Variants in AGO3 observed in about 807,000 individuals in gnomAD.
AGO3 encodes protein argonaute-3.
A neutral mutation model predicts 105.5 loss-of-function variants in AGO3; 16 were observed. The observed-to-expected ratio is 0.15, with a 90% CI of 0.10 to 0.23. AGO3 has a LOEUF of 0.23. Ranked by LOEUF, AGO3 falls within the 10% of genes least tolerant of loss-of-function variation. The pLI is 1.00. For missense variants in AGO3, 534 were observed against 1,088.0 expected, an observed-to-expected ratio of 0.49 and a Z score of 7.16; for synonymous variants, 340 against 367.3, an observed-to-expected ratio of 0.93 and a Z score of 0.85.
Position 36,036,258 on chromosome 1 carries a change from T to A in AGO3, c.1833T>A (p.Ser611=). ...CTGCTGGTGATGGAAAGAAGCCTTC[T>A]ATTGCTGCTGTGAGTGTTAGCCAGG... ...HPPAGDGKKP[S]IAAVVGSMDA... is the part of the protein sequence containing the mutation. Residue 611 remains serine (S), a synonymous_variant, in exon 14 of 19, where the codon TCT becomes TCA. Transcript: ENST00000373191. The A allele has an allele frequency of 6.2e-7, 1 of 1,614,078 alleles. No homozygotes were observed. The highest frequency in any genetic ancestry group is 8.5e-7 in the Non-Finnish European group (1 of 1,179,898).
At chr1:36,023,733 C>T (rs531476934) in intron 11 of AGO3, among the ~76,000 whole-genome samples, 4 of 152,140 alleles carry the variant, frequency 2.6e-5, no homozygotes, top group South Asian at 2.1e-4. Context: ...AAAAATGTAA[C>T]GAGACAGCTT....
intron 2 of AGO3, among the ~76,000 whole-genome samples, chr1:35,961,470 T>C (rs1325847990): frequency 6.6e-6 from 1 of 152,186 alleles, no homozygotes; most frequent in Non-Finnish European, 1.5e-5. Context: ...AAATGTCTAA[T>C]GTTCCAACTA....
intron 14 of AGO3, among the ~76,000 whole-genome samples, chr1:36,039,172 C>T (rs538514828): frequency 1.2e-4 from 18 of 152,126 alleles, no homozygotes; most frequent in African/African-American, 3.9e-4. Flanking sequence ...TGTTCTTCAA[C>T]GGGAAGTACT....
rs79253137 is a variant in AGO3, at chr1:36,015,690, A to G, written c.1406+1642A>G. The stretch of plus-strand genomic sequence containing the variant: ...CAACAAATGCATATTTCACAATATC[A>G]CAACTACTTTTTGTGGGATAGTAGC... On this transcript the variant is annotated intron_variant, in intron 11 of 18. Coordinates refer to ENST00000373191, the MANE Select transcript of AGO3 (RefSeq NM_024852.4). 2.0e-5 allele frequency among the ~76,000 whole-genome samples: 3 copies of G among 152,260 alleles called. No homozygotes were observed. The East Asian group carries it at 5.8e-4, about 29-fold the overall frequency.
chr1:36,006,204 A>G (rs1557680047), intron 6 of AGO3, among the ~76,000 whole-genome samples: 1 of 151,156 alleles, frequency 6.6e-6, no homozygotes, highest in Non-Finnish European at 1.5e-5. Flanking sequence ...TCCTGTATCT[A>G]TGGGTTTTTT....
intron 5 of AGO3, among the ~76,000 whole-genome samples, chr1:35,999,952 A>G (rs956512534): frequency 1.3e-5 from 2 of 151,912 alleles, no homozygotes; most frequent in African/African-American, 2.4e-5. Flanking sequence ...TTGTAATACC[A>G]TAGAGTTTTG....
At chr1:36,041,951 A>G (rs1353970571) in intron 16 of AGO3, among the ~76,000 whole-genome samples, 2 of 152,182 alleles carry the variant, frequency 1.3e-5, no homozygotes, top group African/African-American at 2.4e-5. Context: ...TTAATAAATA[A>G]AGTTTGGCTA....
chr1:36,009,334 A>T, intron 8 of AGO3, 141 bp from the exon 9 acceptor site: 1 of 1,006,848 alleles, frequency 9.9e-7, no homozygotes, highest in Non-Finnish European at 1.4e-6. Context: ...TGTCTTGTTT[A>T]CTACTTTTTT....
intron 11 of AGO3, among the ~76,000 whole-genome samples, chr1:36,020,117 T>C (rs550334029): frequency 2.6e-5 from 4 of 152,246 alleles, no homozygotes; most frequent in African/African-American, 9.6e-5. Flanking sequence ...GGAATACAGC[T>C]TCTAGTAATG....
intron 9 of AGO3, among the ~76,000 whole-genome samples, chr1:36,013,019 C>A (rs1397403485): frequency 6.6e-6 from 1 of 152,134 alleles, no homozygotes; most frequent in Non-Finnish European, 1.5e-5. Flanking sequence ...CCACTGCAGC[C>A]TTGAGCTCCC....
chr1:36,007,320 C>G (rs1640383497), intron 6 of AGO3, among the ~76,000 whole-genome samples: 1 of 152,198 alleles, frequency 6.6e-6, no homozygotes, highest in African/African-American at 2.4e-5. Context: ...AAAGGAGTTG[C>G]TTATCTGTGA....
intron 9 of AGO3, among the ~76,000 whole-genome samples, chr1:36,013,214 C>T (rs1202323250): frequency 2.0e-5 from 3 of 152,100 alleles, no homozygotes; most frequent in African/African-American, 7.2e-5. Flanking sequence ...GCTGGAATTA[C>T]AGATGTGAGC....
intron 5 of AGO3, among the ~76,000 whole-genome samples, chr1:35,994,966 A>G (rs1185819664): frequency 1.3e-5 from 2 of 151,936 alleles, no homozygotes. Context: ...TGGGAGGCCA[A>G]GGTGGGTGGA....
chr1:36,005,655 A>G (rs1640304352), intron 6 of AGO3: 15 of 932,020 alleles, frequency 1.6e-5, no homozygotes, highest in Non-Finnish European at 1.5e-5. Flanking sequence ...CTCTGATATC[A>G]TGAAGTCACT....
chr1:36,024,345 TAG>T (rs1425829338), intron 11 of AGO3, among the ~76,000 whole-genome samples: 3 of 152,030 alleles, frequency 2.0e-5, no homozygotes, highest in Non-Finnish European at 4.4e-5. Context: ...CTATGTTGCC[TAG>T]ACTGGTCTCG....
chr1:36,005,120 G>A (rs1640278173), intron 6 of AGO3, among the ~76,000 whole-genome samples: 1 of 152,036 alleles, frequency 6.6e-6, no homozygotes, highest in South Asian at 2.1e-4. Context: ...TCTGAAATCT[G>A]TATTTTATAT....
chr1:35,961,335 G>A (rs1005424779), intron 2 of AGO3, among the ~76,000 whole-genome samples: 4 of 152,066 alleles, frequency 2.6e-5, no homozygotes, highest in Non-Finnish European at 5.9e-5. Context: ...TATCTTCCCT[G>A]ACAGTTGGTC....
At chr1:35,964,329 A>G (rs1571440012) in intron 2 of AGO3, among the ~76,000 whole-genome samples, 1 of 152,146 alleles carries the variant, frequency 6.6e-6, no homozygotes, top group South Asian at 2.1e-4. Context: ...CTATGGGTCC[A>G]TATGTTCTCA....
In AGO3 at chr1:36,072,475, A is replaced by G. The variant is rs1385994523; in HGVS notation, c.*16730A>G. ...AGTATAACTTTCACTAATAACTGCA[A>G]TAAAAAGAAAAGCTTTGCTCTTAAA... On this transcript the variant is annotated 3_prime_UTR_variant, in exon 19 of 19. Transcript: ENST00000373191. The G allele has an allele frequency of 6.6e-6, 1 of 152,226 alleles. No individual in the cohort carries two copies. Among genetic ancestry groups the G allele is most frequent in the Non-Finnish European group, 1.5e-5 (1 of 68,042 alleles). The allele number at this position is 152,226 out of a possible 1,614,324, so 9.4% of individuals were successfully genotyped here. A position where few individuals can be genotyped will look rare whatever the true frequency, so the allele number is the denominator to read the frequency against.
Sources: gnomAD v4.1 joint callset for allele counts (sites outside exome capture counted in the v4.1 genomes callset) on GRCh38, gnomAD v4.1.1 for gene constraint, MANE v1.5 for transcripts, NCBI Gene and HGNC (gene_info 2026-07-23, HGNC 2026-07-21) for gene names.